The following C10orf90 variants were observed in gnomAD, a reference collection of about 807,000 sequenced individuals.
C10orf90 encodes the protein chromosome 10 open reading frame 90.
Under a neutral mutation model 62.5 loss-of-function variants are expected in C10orf90, and 56 were observed. The ratio of observed to expected loss-of-function variants is 0.90; its 90% CI spans 0.72 to 1.12. The LOEUF (loss-of-function observed/expected upper bound fraction) is 1.12. Among genes scored for constraint, C10orf90 ranks in the 50% most tolerant of loss-of-function variants. The pLI, the probability that C10orf90 is intolerant of heterozygous loss-of-function variation, is 0.00. For synonymous variants in C10orf90, 386 were observed against 340.4 expected (o/e 1.13, Z -1.47); for missense variants, 970 against 880.4 (o/e 1.10, Z -1.29).
At chr10:126,427,896 T>C (rs896421621) in intron 8 of C10orf90, among the ~76,000 whole-genome samples, 2 of 152,184 alleles carry the variant, frequency 1.3e-5, no homozygotes, top group African/African-American at 4.8e-5. Flanking sequence ...TATATACATA[T>C]ATCCTATTAG....
intron 2 of C10orf90, among the ~76,000 whole-genome samples, chr10:126,614,193 T>C (rs1474298379): frequency 3.3e-5 from 5 of 152,154 alleles, no homozygotes; most frequent in Non-Finnish European, 7.4e-5. Flanking sequence ...TAAAGGTCAT[T>C]GCACTGAGCC....
chr10:126,605,418 C>T (rs1177340541), intron 2 of C10orf90, among the ~76,000 whole-genome samples: 2 of 152,196 alleles, frequency 1.3e-5, no homozygotes, highest in Non-Finnish European at 2.9e-5. Context: ...CTTAGTTTCC[C>T]TCTGGGGCTT....
intron 4 of C10orf90, among the ~76,000 whole-genome samples, chr10:126,495,295 G>A (rs1014641158): frequency 1.3e-5 from 2 of 152,120 alleles, no homozygotes; most frequent in Non-Finnish European, 2.9e-5. Context: ...AGGCCGAGAC[G>A]GGTGGATCAC....
At chr10:126,586,379 C>T (rs1844870053) in intron 2 of C10orf90, among the ~76,000 whole-genome samples, 1 of 152,186 alleles carries the variant, frequency 6.6e-6, no homozygotes, top group South Asian at 2.1e-4. Flanking sequence ...GTTTGCAACG[C>T]CAAGACGGAG....
chr10:126,486,562 AT>A (rs1861446063), intron 4 of C10orf90, among the ~76,000 whole-genome samples: 1 of 152,220 alleles, frequency 6.6e-6, no homozygotes, highest in African/African-American at 2.4e-5. Context: ...GAAATAAAAA[AT>A]ACTGGATATA....
intron 4 of C10orf90, chr10:126,496,530 C>G: frequency 8.4e-6 from 3 of 358,444 alleles, no homozygotes; most frequent in Non-Finnish European, 1.2e-5. Context: ...TGTTCCTTGA[C>G]AATACTTGAT....
chr10:126,666,585 G>A (rs185600417), intron 1 of C10orf90, among the ~76,000 whole-genome samples: 1 of 152,222 alleles, frequency 6.6e-6, no homozygotes, highest in African/African-American at 2.4e-5. Context: ...CCTGGTAAGT[G>A]TTCTTCCTTG....
At chr10:126,565,028 T>TTA (rs1554917117) in intron 2 of C10orf90, among the ~76,000 whole-genome samples, 202 of 9,080 alleles carry the variant, frequency 0.022, 17 homozygotes, top group African/African-American at 0.06. Context: ...ATATTATATA[T>TTA]TATATAAAAT....
chr10:126,537,757 T>C (rs927236596), intron 2 of C10orf90, among the ~76,000 whole-genome samples: 3 of 152,224 alleles, frequency 2.0e-5, no homozygotes, highest in African/African-American at 7.2e-5. Flanking sequence ...TATTGGAAAT[T>C]TTTAACTGAT....
chr10:126,644,769 C>T (rs576824475), intron 2 of C10orf90, among the ~76,000 whole-genome samples: 5 of 152,294 alleles, frequency 3.3e-5, no homozygotes, highest in East Asian at 3.9e-4. Flanking sequence ...CACCAGGCCT[C>T]GTTGTTCTCA....
At chr10:126,506,401 C>CCTT (rs1862733611) in intron 3 of C10orf90, among the ~76,000 whole-genome samples, 1 of 152,366 alleles carries the variant, frequency 6.6e-6, no homozygotes, top group South Asian at 2.1e-4. Flanking sequence ...TACAATGAAT[C>CCTT]CTTGCATAGA....
chr10:126,581,232 G>T (rs1844745149), intron 2 of C10orf90, among the ~76,000 whole-genome samples: 1 of 152,170 alleles, frequency 6.6e-6, no homozygotes, highest in African/African-American at 2.4e-5. Flanking sequence ...AGGGTATTTT[G>T]TTCCCAAAAG....
intron 4 of C10orf90, among the ~76,000 whole-genome samples, chr10:126,491,309 G>C (rs1482927072): frequency 1.3e-5 from 2 of 152,158 alleles, no homozygotes; most frequent in African/African-American, 4.8e-5. Flanking sequence ...CCCAGGACTG[G>C]GGGTGAAGGA....
At position 126,461,425 on chromosome 10, in the gene C10orf90, C is replaced by T. The variant is rs139356479; in HGVS notation, c.1986G>A (p.Thr662=). The part of the protein sequence containing the change: ...LSEDCSESQQ[T]PARSLTLQEA... Reference sequence around the variant, plus strand: ...CTTGCAAGGTCAAAGATCTTGCAGGCGTTTGCTGAGACTCAGAACAGTCTT... The same window carrying T: ...CTTGCAAGGTCAAAGATCTTGCAGGTGTTTGCTGAGACTCAGAACAGTCTT... The change falls in exon 6 of 10, where the codon ACG becomes ACA. Residue 662 remains threonine, a synonymous_variant. Transcript: ENST00000488181. 6.8e-5 allele frequency: 110 copies of T among 1,613,914 alleles called. No homozygotes were observed. In the African/African-American group the frequency reaches 1.0e-3, roughly 15 times the overall value.
rs1380549098 is a variant in C10orf90 at position 126,576,688 on chromosome 10, TA to T, written c.314-62750del. Among the ~76,000 whole-genome samples, 24 of 28,256 alleles carry T rather than the reference TA, an allele frequency of 8.5e-4. 2 individuals are homozygous for T. The highest frequency in any genetic ancestry group is 2.3e-3 in the African/African-American group (12 of 5,120). The allele number at this position is 28,256 out of a possible 152,430, so 18.5% of individuals were successfully genotyped here. ...ACATATATATGTATACATATACATA[TA>T]CATGTATATGTATATGTATATATAT... On this transcript the variant is annotated intron_variant, in intron 2 of 9. Transcript: ENST00000488181.
chr10:126,549,376 G>A (rs1864576015), intron 2 of C10orf90, among the ~76,000 whole-genome samples: 2 of 152,192 alleles, frequency 1.3e-5, no homozygotes, highest in Admixed American at 6.5e-5. Context: ...TTTCACTGAA[G>A]AGGAAACACA....
chr10:126,433,082 G>A (rs777343331), intron 7 of C10orf90, among the ~76,000 whole-genome samples: 9 of 152,234 alleles, frequency 5.9e-5, no homozygotes, highest in South Asian at 2.1e-4. Flanking sequence ...AGATGGCAGC[G>A]TGCAGGTAGC....
intron 2 of C10orf90, 31 bp downstream of exon 2, chr10:126,646,534 A>T (rs1846175000): frequency 2.6e-6 from 1 of 380,194 alleles, no homozygotes; most frequent in Non-Finnish European, 5.1e-6. Context: ...CTTGAAAGGG[A>T]ACCCTGCCTG....
chr10:126,527,655 AC>A (rs1157910425), intron 2 of C10orf90, among the ~76,000 whole-genome samples: 2 of 152,200 alleles, frequency 1.3e-5, no homozygotes, highest in African/African-American at 4.8e-5. Context: ...TAGACAAGTC[AC>A]CTAACTTCTC....
Sources: allele counts gnomAD v4.1 joint callset (sites outside exome capture counted in the v4.1 genomes callset), GRCh38; gene constraint gnomAD v4.1.1; transcripts MANE v1.5; gene names NCBI Gene and HGNC (gene_info 2026-07-23, HGNC 2026-07-21).